ZFAT: variants seen among roughly 807,000 people sequenced by gnomAD.
ZFAT encodes zinc finger and AT-hook domain containing.
ZFAT carries 64 observed loss-of-function variants against 117.7 expected under a neutral mutation model. That is an observed-to-expected ratio of 0.54 (90% CI 0.44 to 0.67). ZFAT has a LOEUF of 0.67. Ranked by LOEUF, ZFAT falls within the 30% of genes least tolerant of loss-of-function variation. ZFAT has a pLI of 0.00. For missense variants in ZFAT, 1,433 were observed against 1,584.5 expected (o/e 0.90, Z 1.62); for synonymous variants, 679 against 615.0 (o/e 1.10, Z -1.54).
intron 2 of ZFAT, among the ~76,000 whole-genome samples, chr8:134,651,704 T>C (rs1396563402): frequency 6.6e-6 from 1 of 152,152 alleles, no homozygotes; most frequent in Non-Finnish European, 1.5e-5. Context: ...CACAGAAAGA[T>C]AATGAAGCAG....
the ZFAT span, among the ~76,000 whole-genome samples, chr8:134,829,721 A>G: frequency 0.089 from 13,523 of 152,310 alleles, 672 homozygotes; most frequent in South Asian, 0.14. Flanking sequence ...CAAATTTCTT[A>G]AAGTAGAGCA....
chr8:134,665,329 G>A (rs1292112315), intron 1 of ZFAT, among the ~76,000 whole-genome samples: 4 of 152,220 alleles, frequency 2.6e-5, no homozygotes, highest in African/African-American at 4.8e-5. Flanking sequence ...GGCCCTCAAG[G>A]GAAGGGGTGA....
the ZFAT span, among the ~76,000 whole-genome samples, chr8:134,815,411 C>T: frequency 7.9e-5 from 12 of 152,264 alleles, no homozygotes; most frequent in South Asian, 2.5e-3. Context: ...TCTTGGCCAA[C>T]TAGAAATCCA....
chr8:134,583,234 G>A (rs926080423), intron 10 of ZFAT, among the ~76,000 whole-genome samples: 6 of 152,168 alleles, frequency 3.9e-5, no homozygotes, highest in South Asian at 4.2e-4. Context: ...CTCCTTGAAC[G>A]CAGGAACTTG....
the ZFAT span, among the ~76,000 whole-genome samples, chr8:134,831,889 G>C: frequency 4.1e-4 from 63 of 152,140 alleles, no homozygotes; most frequent in Admixed American, 2.3e-3. Context: ...TGTCCCGAGA[G>C]CCTGTCAGCG....
chr8:134,657,020 A>G (rs921006000), intron 2 of ZFAT, among the ~76,000 whole-genome samples: 12 of 152,244 alleles, frequency 7.9e-5, no homozygotes, highest in African/African-American at 2.9e-4. Flanking sequence ...TCCTTGTTCC[A>G]GGTTTATAGG....
the ZFAT span, among the ~76,000 whole-genome samples, chr8:134,809,492 G>A: frequency 1.3e-5 from 2 of 152,134 alleles, no homozygotes; most frequent in Non-Finnish European, 2.9e-5. Flanking sequence ...GGGTTCCTTG[G>A]ACAAGAGATT....
At chr8:134,780,863 C>T in the ZFAT span, among the ~76,000 whole-genome samples, 1 of 152,134 alleles carries the variant, frequency 6.6e-6, no homozygotes, top group East Asian at 1.9e-4. Context: ...GTTATTTTTC[C>T]TTATATAGCT....
the ZFAT span, among the ~76,000 whole-genome samples, chr8:134,775,521 C>T: frequency 2.6e-5 from 4 of 152,152 alleles, no homozygotes; most frequent in African/African-American, 4.8e-5. Flanking sequence ...TACCCACCTT[C>T]GTAAGCCCTG....
chr8:134,660,337 C>T (rs1760289615), intron 1 of ZFAT, among the ~76,000 whole-genome samples: 1 of 152,218 alleles, frequency 6.6e-6, no homozygotes, highest in South Asian at 2.1e-4. Context: ...AGCTAAAATA[C>T]TTAAGACTCT....
At chr8:134,507,373 C>A (rs568463070) in intron 15 of ZFAT, among the ~76,000 whole-genome samples, 1 of 152,224 alleles carries the variant, frequency 6.6e-6, no homozygotes, top group Admixed American at 6.5e-5. Context: ...GTCTGTCCAC[C>A]CACTCTCCTC....
At chr8:134,721,590 C>T in the ZFAT span, among the ~76,000 whole-genome samples, 5 of 152,198 alleles carry the variant, frequency 3.3e-5, no homozygotes, top group African/African-American at 1.2e-4. Context: ...TCTTACAACT[C>T]TGAGCCTCTG....
intron 11 of ZFAT, among the ~76,000 whole-genome samples, chr8:134,549,442 G>GAAAAA (rs34384490): frequency 8.4e-6 from 1 of 119,402 alleles, no homozygotes; most frequent in Non-Finnish European, 1.7e-5. Context: ...CTCCGTCTCA[G>GAAAAA]AAAAAAAAAA....
chr8:134,585,685 A>T (rs1454142690), intron 9 of ZFAT, among the ~76,000 whole-genome samples: 1 of 152,354 alleles, frequency 6.6e-6, no homozygotes, highest in Admixed American at 6.5e-5. Context: ...ACGGTCGTGG[A>T]AAATGAGATG....
chr8:134,752,660 C>T, the ZFAT span, among the ~76,000 whole-genome samples: 14 of 152,140 alleles, frequency 9.2e-5, no homozygotes, highest in Admixed American at 8.5e-4. Flanking sequence ...GTTCTGGATG[C>T]TGGAAAGTCC....
chr8:134,642,586 T>C (rs961088499), intron 2 of ZFAT, among the ~76,000 whole-genome samples: 1 of 152,242 alleles, frequency 6.6e-6, no homozygotes, highest in Non-Finnish European at 1.5e-5. Context: ...TTGATGTACA[T>C]GCATTCTCAT....
chr8:134,503,473 T>C (rs572173213), intron 15 of ZFAT, among the ~76,000 whole-genome samples: 2 of 152,340 alleles, frequency 1.3e-5, no homozygotes, highest in Non-Finnish European at 2.9e-5. Flanking sequence ...TATTTGTACA[T>C]GTGTAATAGT....
At chr8:134,654,659 C>G (rs972226597) in intron 2 of ZFAT, among the ~76,000 whole-genome samples, 2 of 152,322 alleles carry the variant, frequency 1.3e-5, no homozygotes, top group East Asian at 1.9e-4. Flanking sequence ...GTGGCAAAAG[C>G]CACTGAAGTT....
intron 7 of ZFAT, among the ~76,000 whole-genome samples, chr8:134,592,936 T>C (rs926123521): frequency 5.3e-5 from 8 of 152,220 alleles, no homozygotes; most frequent in African/African-American, 1.9e-4. Context: ...CAACCACACA[T>C]GTCCAAGGGA....
Sources: allele counts gnomAD v4.1 joint callset (sites outside exome capture counted in the v4.1 genomes callset), GRCh38; gene constraint gnomAD v4.1.1; transcripts MANE v1.5; gene names NCBI Gene and HGNC (gene_info 2026-07-23, HGNC 2026-07-21).